The following PDE8B variants were observed in gnomAD, a reference collection of about 807,000 sequenced individuals.
PDE8B encodes phosphodiesterase 8B.
In PDE8B, 26 loss-of-function variants were observed where a neutral mutation model predicts 101.3. The observed-to-expected ratio is 0.26, with a 90% CI of 0.19 to 0.36. The LOEUF is 0.36. Among genes scored for constraint, PDE8B ranks in the 10% least tolerant of loss-of-function variants. The probability of loss-of-function intolerance (pLI) is 1.00; values close to 1 mark genes in which losing one functional copy is unlikely to be tolerated. For missense variants in PDE8B, 810 were observed against 1,163.1 expected (o/e 0.70, Z 4.42); for synonymous variants, 424 against 429.3 (o/e 0.99, Z 0.15).
Position 77,211,124 on chromosome 5 carries a change from G to T in PDE8B, c.199G>T (p.Val67Phe), listed in dbSNP as rs928007609. Residue 67 changes from valine to phenylalanine, a missense_variant, in exon 1 of 22, where the codon GTC (valine) becomes TTC (phenylalanine). Coordinates refer to ENST00000264917, the MANE Select transcript of PDE8B (RefSeq NM_003719.5). This position sits in a 1 kb window ranked among gnomAD's most constrained non-coding sequence, Gnocchi z 4.1. ...GTCGGGACCCCCCAGCGTAGCCCGC[G>T]TCCGCAGGGCCCGCACCGAGCTGGG... ...RASGPPSVAR[V>F]RRARTELGSG... The T allele has an allele frequency of 6.6e-7, 1 of 1,504,940 alleles. No individual in the cohort carries two copies. Among genetic ancestry groups the T allele is most frequent in the African/African-American group, 1.4e-5 (1 of 69,066 alleles). The allele number at this position is 1,504,940 out of a possible 1,614,324, so 93.2% of individuals were successfully genotyped here. A position where few individuals can be genotyped will look rare whatever the true frequency, so the allele number is the denominator to read the frequency against.
intron 1 of PDE8B, among the ~76,000 whole-genome samples, chr5:77,261,421 A>G (rs76121577): frequency 0.08 from 12,243 of 152,290 alleles, 643 homozygotes; most frequent in African/African-American, 0.14. Flanking sequence ...ATGAAATTAA[A>G]CATTGCTTGA....
intron 5 of PDE8B, among the ~76,000 whole-genome samples, chr5:77,335,356 G>T (rs1406902716): frequency 6.6e-6 from 1 of 152,056 alleles, no homozygotes. Context: ...GTTTAACTTT[G>T]CTCTGTAAAT....
Position 77,317,707 on chromosome 5 carries a change from C to T in PDE8B, c.399+5654C>T, listed in dbSNP as rs568096942. Among the ~76,000 whole-genome samples the T allele has an allele frequency of 3.9e-5, 6 of 152,258 alleles. No homozygotes were observed. In the East Asian group the frequency reaches 7.7e-4, roughly 20 times the overall value. ...CTTTTCTTCATCCATACCTGGAACA[C>T]GTTTACTTCCCCAGTGTGCAGAATG... On this transcript the variant is annotated intron_variant, in intron 2 of 21. Coordinates refer to ENST00000264917, the MANE Select transcript of PDE8B (RefSeq NM_003719.5).
At chr5:77,260,157 C>CAAAAAAAAAAAAAAAAAA (rs66923234) in intron 1 of PDE8B, among the ~76,000 whole-genome samples, 9 of 100,958 alleles carry the variant, frequency 8.9e-5, no homozygotes, top group Non-Finnish European at 1.4e-4. Flanking sequence ...AACTCCATCA[C>CAAAAAAAAAAAAAAAAAA]AAAAAAAAAA....
intron 9 of PDE8B, among the ~76,000 whole-genome samples, chr5:77,352,397 C>G (rs1781320197): frequency 6.6e-6 from 1 of 152,210 alleles, no homozygotes; most frequent in East Asian, 1.9e-4. Flanking sequence ...ATGCTATTGC[C>G]TGGTAATTTC....
At chr5:77,113,928 G>C in the PDE8B span, 1 of 152,194 alleles carries the variant, frequency 6.6e-6, no homozygotes, top group African/African-American at 2.4e-5. Context: ...CATCATCATG[G>C]TCATCAGATA....
At chr5:77,217,253 A>G (rs1749971276) in intron 1 of PDE8B, among the ~76,000 whole-genome samples, 1 of 151,970 alleles carries the variant, frequency 6.6e-6, no homozygotes, top group South Asian at 2.1e-4. Context: ...GGGGAGAAAG[A>G]CCTGAGCCTC....
chr5:77,309,941 A>ATTTTTTTT (rs879381234), intron 1 of PDE8B, among the ~76,000 whole-genome samples: 4 of 83,110 alleles, frequency 4.8e-5, no homozygotes, highest in Non-Finnish European at 6.4e-5. Flanking sequence ...TTAATCATTA[A>ATTTTTTTT]TCTTTTTTTT....
rs912849753 is a variant in PDE8B at position 77,424,819 on chromosome 5, G to GTTTTT, written c.2419-946_2419-942dup. On this transcript the variant is annotated intron_variant, in intron 20 of 21. Coordinates refer to ENST00000264917, the MANE Select transcript of PDE8B (RefSeq NM_003719.5). ...CAAGTGAAACTGGTTCTGTTTTTTT[G>GTTTTT]TTTTTTGTTTTTTGTTTTTAATGTG... is the stretch of plus-strand genomic sequence containing the variant. Among the ~76,000 whole-genome samples, 6 of 110,044 alleles carry GTTTTT rather than the reference G, an allele frequency of 5.5e-5. 1 individual carries two copies. The highest frequency in any genetic ancestry group is 4.3e-4 in the East Asian group (2 of 4,674). 72.2% of individuals were successfully genotyped at this position (110,044 alleles called of 152,430 possible).
At chr5:77,197,247 G>A in the PDE8B span, among the ~76,000 whole-genome samples, 1 of 151,330 alleles carries the variant, frequency 6.6e-6, no homozygotes, top group Non-Finnish European at 1.5e-5. Context: ...AAGTAGCTGG[G>A]ATTACAGGCA....
At chr5:77,255,828 G>A (rs1270690970) in intron 1 of PDE8B, among the ~76,000 whole-genome samples, 4 of 152,234 alleles carry the variant, frequency 2.6e-5, no homozygotes, top group African/African-American at 7.2e-5. Context: ...ATCCGGGTAC[G>A]GGGTGTGTCC....
the PDE8B span, among the ~76,000 whole-genome samples, chr5:77,132,953 C>T: frequency 6.6e-6 from 1 of 152,228 alleles, no homozygotes; most frequent in Non-Finnish European, 1.5e-5. Flanking sequence ...GAAGGCATTT[C>T]ATTGTCTTCT....
chr5:77,412,400 C>T (rs1378438079), intron 16 of PDE8B, among the ~76,000 whole-genome samples, 165 bp downstream of exon 16: 2 of 152,106 alleles, frequency 1.3e-5, no homozygotes, highest in Non-Finnish European at 2.9e-5. Flanking sequence ...GACTATGGCC[C>T]CTGAGTGAGA....
chr5:77,339,077 A>G (rs958239228), intron 6 of PDE8B, among the ~76,000 whole-genome samples: 2 of 152,230 alleles, frequency 1.3e-5, no homozygotes, highest in Non-Finnish European at 2.9e-5. Context: ...AATAGCATAA[A>G]GAAAAGCCTT....
chr5:77,367,949 C>T (rs1784444214), intron 10 of PDE8B, among the ~76,000 whole-genome samples: 1 of 152,216 alleles, frequency 6.6e-6, no homozygotes, highest in South Asian at 2.1e-4. Context: ...TGAACTGGCT[C>T]CCCTGGCCAT....
the PDE8B span, chr5:77,180,536 C>T: frequency 1.0e-6 from 1 of 966,138 alleles, no homozygotes; most frequent in Non-Finnish European, 1.2e-6. Flanking sequence ...CCCCCTCACA[C>T]CTGGGTACCC....
the PDE8B span, among the ~76,000 whole-genome samples, chr5:77,091,984 C>A: frequency 6.6e-6 from 1 of 152,214 alleles, no homozygotes; most frequent in African/African-American, 2.4e-5. Context: ...GACAGTAAGA[C>A]ATATGCAACT....
At chr5:77,282,322 G>T (rs897143333) in intron 1 of PDE8B, among the ~76,000 whole-genome samples, 1 of 151,934 alleles carries the variant, frequency 6.6e-6, no homozygotes, top group Admixed American at 6.6e-5. Flanking sequence ...CTCCCAGCAG[G>T]ATAAGTGCAG....
the PDE8B span, among the ~76,000 whole-genome samples, chr5:77,125,523 G>A: frequency 4.6e-5 from 7 of 152,138 alleles, no homozygotes; most frequent in Non-Finnish European, 7.3e-5. Flanking sequence ...CAACGTCCAC[G>A]GAAGTGTTAA....
Sources: gnomAD v4.1 joint callset for allele counts (sites outside exome capture counted in the v4.1 genomes callset) on GRCh38, gnomAD v4.1.1 for gene constraint, Gnocchi (gnomAD v3.1) non-coding constraint, MANE v1.5 for transcripts, NCBI Gene and HGNC (gene_info 2026-07-23, HGNC 2026-07-21) for gene names.